KIF26B: variants seen among roughly 807,000 people sequenced by gnomAD.
KIF26B encodes kinesin family member 26B.
In KIF26B, 63 loss-of-function variants were observed where a neutral mutation model predicts 151.2. That is an observed-to-expected ratio of 0.42 (90% CI 0.34 to 0.51). The LOEUF (loss-of-function observed/expected upper bound fraction) is 0.51. KIF26B is among the 20% of genes least tolerant of loss of function. The pLI is 0.07. For synonymous variants in KIF26B, 1,357 were observed against 1,262.1 expected (o/e 1.08, Z -1.59); for missense variants, 2,813 against 2,913.6 (o/e 0.97, Z 0.79).
At chr1:245,588,183 A>G (rs1398441624) in intron 5 of KIF26B, among the ~76,000 whole-genome samples, 1 of 152,198 alleles carries the variant, frequency 6.6e-6, no homozygotes, top group Admixed American at 6.5e-5. Context: ...TGATATGCAC[A>G]CTGGAACAGA....
intron 2 of KIF26B, among the ~76,000 whole-genome samples, chr1:245,345,770 C>G (rs1271489991): frequency 6.6e-6 from 1 of 152,100 alleles, no homozygotes; most frequent in Non-Finnish European, 1.5e-5. Context: ...ACGGTGTAAA[C>G]TGCCTGCTCC....
chr1:245,317,012 T>A (rs183219889), intron 2 of KIF26B, among the ~76,000 whole-genome samples: 95 of 152,278 alleles, frequency 6.2e-4, no homozygotes, highest in Non-Finnish European at 1.0e-3. Context: ...GGTGGTGATA[T>A]ACGATTTCAA....
At position 245,709,408 on chromosome 1, in the gene KIF26B, G is replaced by C. The variant is rs2044879205; in HGVS notation, c.*6802G>C. 6.6e-6 allele frequency: 1 copy of C among 152,200 alleles called. No homozygotes were observed. The highest frequency in any genetic ancestry group is 2.1e-4 in the South Asian group (1 of 4,828). The allele number at this position is 152,200 out of a possible 1,614,324, so 9.4% of individuals were successfully genotyped here. A position where few individuals can be genotyped will look rare whatever the true frequency, so the allele number is the denominator to read the frequency against. On this transcript the variant is annotated 3_prime_UTR_variant, in exon 15 of 15. Coordinates refer to ENST00000407071, the MANE Select transcript of KIF26B (RefSeq NM_018012.4). ...TTTAAAAAAAAATCAAACTATGGTG[G>C]CATTAAATGTTCACTTTTATTCTAC...
intron 2 of KIF26B, among the ~76,000 whole-genome samples, chr1:245,181,900 G>T (rs1668914932): frequency 6.6e-6 from 1 of 152,116 alleles, no homozygotes; most frequent in Non-Finnish European, 1.5e-5. Flanking sequence ...GGACCAGATA[G>T]TTTGGGTGCA....
intron 2 of KIF26B, among the ~76,000 whole-genome samples, chr1:245,228,322 C>T (rs917718048): frequency 6.6e-6 from 1 of 152,108 alleles, no homozygotes; most frequent in African/African-American, 2.4e-5. Context: ...TCCCATGTAT[C>T]CTTAGTTGCC....
intron 2 of KIF26B, among the ~76,000 whole-genome samples, chr1:245,350,856 T>A (rs1572017358): frequency 6.6e-6 from 1 of 152,160 alleles, no homozygotes; most frequent in African/African-American, 2.4e-5. Flanking sequence ...TGGGTAACTA[T>A]CTCCAAAGCA....
chr1:245,177,867 G>C (rs1004429051), intron 2 of KIF26B, among the ~76,000 whole-genome samples: 1 of 152,150 alleles, frequency 6.6e-6, no homozygotes, highest in African/African-American at 2.4e-5. Flanking sequence ...GTTTTTAGCC[G>C]AGAAAATGAA....
intron 12 of KIF26B, among the ~76,000 whole-genome samples, chr1:245,695,149 A>C (rs2044675128): frequency 6.6e-6 from 1 of 152,158 alleles, no homozygotes; most frequent in South Asian, 2.1e-4. Flanking sequence ...TGAGAGGTGG[A>C]AATGCTGGAG....
At chr1:245,386,544 C>T (rs983034960) in intron 3 of KIF26B, among the ~76,000 whole-genome samples, 1 of 151,518 alleles carries the variant, frequency 6.6e-6, no homozygotes, top group South Asian at 2.1e-4. Context: ...ACATTGACCA[C>T]CCACCATACA....
intron 5 of KIF26B, among the ~76,000 whole-genome samples, chr1:245,562,007 G>A (rs79726121): frequency 0.031 from 4,664 of 152,206 alleles, 209 homozygotes; most frequent in African/African-American, 0.1. Context: ...TCCCAGGGCC[G>A]TTGCGGATTG....
chr1:245,506,126 A>G (rs2103081492), intron 4 of KIF26B, among the ~76,000 whole-genome samples: 1 of 152,204 alleles, frequency 6.6e-6, no homozygotes, highest in South Asian at 2.1e-4. Flanking sequence ...TTGGAATGGT[A>G]TTTTCCTATA....
rs570519030 is a variant in KIF26B, at chr1:245,564,326, C to T, written c.1350+23376C>T. 2.6e-5 allele frequency among the ~76,000 whole-genome samples: 4 copies of T among 152,126 alleles called. No individual in the cohort carries two copies. Among genetic ancestry groups the T allele is most frequent in the African/African-American group, 7.2e-5 (3 of 41,424 alleles). On this transcript the variant is annotated intron_variant, in intron 5 of 14. Coordinates refer to ENST00000407071, the MANE Select transcript of KIF26B (RefSeq NM_018012.4). This position sits in a 1 kb window ranked among gnomAD's most constrained non-coding sequence, Gnocchi z 4.6. The stretch of plus-strand genomic sequence containing the variant: ...CTCTTCAGTTTGTTCCTATCTCTGC[C>T]GGGATCTATATGTTCTGGACTCTCT...
rs926093642 is a variant in KIF26B at position 245,166,313 on chromosome 1, C to T, written c.465+9630C>T. On this transcript the variant is annotated intron_variant, in intron 2 of 14. Transcript: ENST00000407071. This position sits in a 1 kb window ranked among gnomAD's most constrained non-coding sequence, Gnocchi z 4.5. ...TTTCCTTCCTTCCTTCCATCTGACACGAAAATGGAGAAACAGCAGTCAGAG... is the reference window on the plus strand; with the variant it reads ...TTTCCTTCCTTCCTTCCATCTGACATGAAAATGGAGAAACAGCAGTCAGAG... Among the ~76,000 whole-genome samples the T allele has an allele frequency of 1.3e-5, 2 of 152,124 alleles. No individual in the cohort carries two copies. The highest frequency in any genetic ancestry group is 2.9e-5 in the Non-Finnish European group (2 of 68,024).
rs368258830 is a variant in KIF26B, at chr1:245,652,145, T to TGTGTGTGTGTGGGA, written c.2258+5866_2258+5867insTGTGTGTGTGGGAG. ...GTGTGTGTGTGTGTGTGTGTGTGTG[T>TGTGTGTGTGTGGGA]GAGAGAGACATATGCATATTTAACC... On this transcript the variant is annotated intron_variant, in intron 10 of 14. Transcript: ENST00000407071. 2.9e-3 allele frequency among the ~76,000 whole-genome samples: 411 copies of TGTGTGTGTGTGGGA among 142,762 alleles called. 4 individuals carry two copies. Among genetic ancestry groups the TGTGTGTGTGTGGGA allele is most frequent in the African/African-American group, 8.3e-3 (301 of 36,466 alleles). The allele number at this position is 142,762 out of a possible 152,430, so 93.7% of individuals were successfully genotyped here.
At chr1:245,660,857 T>A (rs936811616) in intron 10 of KIF26B, among the ~76,000 whole-genome samples, 3 of 152,120 alleles carry the variant, frequency 2.0e-5, no homozygotes, top group Non-Finnish European at 4.4e-5. Flanking sequence ...ATTCTGTCAC[T>A]GAAGCTGGAG....
chr1:245,292,810 C>T (rs1558378021), intron 2 of KIF26B, among the ~76,000 whole-genome samples: 1 of 152,162 alleles, frequency 6.6e-6, no homozygotes, highest in Non-Finnish European at 1.5e-5. Context: ...CCTCGGTTCT[C>T]GCTGGGTCAC....
intron 9 of KIF26B, among the ~76,000 whole-genome samples, chr1:245,640,122 G>GCTCGCTCTCTCTCTCTCTCTCTCTCT (rs1553299289): frequency 0.025 from 1,359 of 53,800 alleles, 238 homozygotes; most frequent in East Asian, 0.048. Context: ...ACTAATATTT[G>GCTCGCTCTCTCTCTCTCTCTCTCTCT]CTCTCTCTCT....
intron 5 of KIF26B, among the ~76,000 whole-genome samples, chr1:245,598,288 T>A (rs1469585465): frequency 6.6e-6 from 1 of 152,162 alleles, no homozygotes; most frequent in African/African-American, 2.4e-5. Context: ...ACAAAGCTCA[T>A]GCATGAGAAG....
intron 2 of KIF26B, among the ~76,000 whole-genome samples, chr1:245,174,385 T>C (rs1406991087): frequency 6.6e-6 from 1 of 151,838 alleles, no homozygotes; most frequent in Non-Finnish European, 1.5e-5. Flanking sequence ...TAAATTCACT[T>C]AATAGACAAA....
Sources: allele counts gnomAD v4.1 joint callset (sites outside exome capture counted in the v4.1 genomes callset), GRCh38; gene constraint gnomAD v4.1.1; non-coding constraint Gnocchi (gnomAD v3.1); transcripts MANE v1.5; gene names NCBI Gene and HGNC (gene_info 2026-07-23, HGNC 2026-07-21).